FAM83A: variants seen among roughly 807,000 people sequenced by gnomAD.
The protein encoded by FAM83A is scaffolding CK1 anchoring protein A, also known as protein FAM83A.
A neutral mutation model predicts 24.4 loss-of-function variants in FAM83A; 21 were observed. The observed-to-expected ratio is 0.86, with a 90% CI of 0.61 to 1.24. FAM83A has a LOEUF of 1.24. Ranked by LOEUF, FAM83A falls within the 50% of genes most tolerant of loss-of-function variation. FAM83A has a pLI of 0.00. For missense variants in FAM83A, 617 were observed against 579.8 expected, an observed-to-expected ratio of 1.06 and a Z score of -0.66; for synonymous variants, 270 against 252.4, an observed-to-expected ratio of 1.07 and a Z score of -0.66.
exon 4 of FAM83A, chr8:123,207,706 G>T: frequency 6.9e-7 from 1 of 1,454,654 alleles, no homozygotes. Context: ...ATCCCCTGCT[G>T]CCCTCCGCAG....
chr8:123,183,220 G>A (rs1468314115), exon 1 of FAM83A: 1 of 1,613,460 alleles, frequency 6.2e-7, no homozygotes, highest in South Asian at 1.1e-5. Context: ...GCACAGCTGG[G>A]CCTCAGCTGA....
exon 1 of FAM83A, chr8:123,182,878 G>T: frequency 6.6e-7 from 1 of 1,522,072 alleles, no homozygotes; most frequent in Non-Finnish European, 8.8e-7. Flanking sequence ...AAGGCACCTG[G>T]GCAAAATCCG....
rs573902047 is a variant in FAM83A at position 123,195,967 on chromosome 8, A to G, written c.773+1819A>G. 1.6e-4 allele frequency among the ~76,000 whole-genome samples: 24 copies of G among 152,344 alleles called. No individual in the cohort carries two copies. In the South Asian group the frequency reaches 4.8e-3, roughly 30 times the overall value. ...CTTTCTCTCCATCCCATTATTTTCA[A>G]ACTTGCTGATAGATTTTAAGTGTGT... On this transcript the variant is annotated intron_variant, in intron 3 of 3. Transcript: ENST00000690554.
rs1824673504 is a variant in FAM83A at position 123,209,705 on chromosome 8, G to A, written c.*2017G>A. ...GAGCTCAGTCCTGGGAGATAGGGGA[G>A]AACCTGCAGGCAGGAACAAGCCCCC... is the stretch of plus-strand genomic sequence containing the variant. On this transcript the variant is annotated 3_prime_UTR_variant, in exon 4 of 4. Coordinates refer to ENST00000690554, the Ensembl canonical transcript of FAM83A. This position sits in a 1 kb window ranked among gnomAD's most constrained non-coding sequence, Gnocchi z 4.7. 2 of 761,844 alleles carry A rather than the reference G, an allele frequency of 2.6e-6. No homozygotes were observed. Among genetic ancestry groups the A allele is most frequent in the Non-Finnish European group, 4.2e-6 (2 of 471,358 alleles). The allele number at this position is 761,844 out of a possible 1,614,324, so 47.2% of individuals were successfully genotyped here.
intron 1 of FAM83A, among the ~76,000 whole-genome samples, chr8:123,190,512 G>C (rs1182614602): frequency 1.3e-5 from 2 of 151,370 alleles, no homozygotes; most frequent in Admixed American, 1.3e-4. Flanking sequence ...TGATCCGCCC[G>C]CCTCGGCCTC....
chr8:123,184,404 T>C (rs1367320436), intron 1 of FAM83A, among the ~76,000 whole-genome samples: 1 of 152,074 alleles, frequency 6.6e-6, no homozygotes, highest in Non-Finnish European at 1.5e-5. Context: ...TTGTGGCTCT[T>C]GAATCCAGCC....
At chr8:123,207,833 C>T in exon 4 of FAM83A, 1 of 1,391,498 alleles carries the variant, frequency 7.2e-7, no homozygotes, top group Non-Finnish European at 9.2e-7. Flanking sequence ...GTTCCCAGGC[C>T]CCAGGCCATC....
intron 3 of FAM83A, among the ~76,000 whole-genome samples, chr8:123,194,736 G>T (rs1191084827): frequency 6.6e-6 from 1 of 152,168 alleles, no homozygotes; most frequent in African/African-American, 2.4e-5. Flanking sequence ...CACCCATGTG[G>T]CCTCCCAAAG....
At chr8:123,190,828 C>T (rs754558903) in intron 1 of FAM83A, among the ~76,000 whole-genome samples, 26 of 152,162 alleles carry the variant, frequency 1.7e-4, no homozygotes, top group Admixed American at 3.3e-4. Flanking sequence ...CATTGTCAGG[C>T]AGGCTCTCCC....
chr8:123,191,380 AT>A (rs1823968678), intron 1 of FAM83A, among the ~76,000 whole-genome samples: 1 of 152,170 alleles, frequency 6.6e-6, no homozygotes, highest in South Asian at 2.1e-4. Flanking sequence ...GCTTAACAGC[AT>A]TTGAAAATCA....
rs1172819514 is a variant in FAM83A at position 123,190,508 on chromosome 8, G to A, written c.481-1295G>A. 4.6e-5 allele frequency among the ~76,000 whole-genome samples: 7 copies of A among 150,980 alleles called. No individual in the cohort carries two copies. The South Asian group carries it at 8.4e-4, about 18-fold the overall frequency. ...TCGAGCTCCAGATCTCAAATGATCCGCCCGCCTCGGCCTCCCAAAGTGTTG... is the reference window on the plus strand; with the variant it reads ...TCGAGCTCCAGATCTCAAATGATCCACCCGCCTCGGCCTCCCAAAGTGTTG... On this transcript the variant is annotated intron_variant, in intron 1 of 3. Coordinates refer to ENST00000690554, the Ensembl canonical transcript of FAM83A.
chr8:123,206,794 G>A (rs973187061), intron 3 of FAM83A, among the ~76,000 whole-genome samples: 9 of 152,300 alleles, frequency 5.9e-5, no homozygotes, highest in Middle Eastern at 6.8e-3. Flanking sequence ...GAGCCCAAGA[G>A]GAGGGGCAGT....
In FAM83A at chr8:123,207,445, GC is replaced by G. The variant is rs777391942; in HGVS notation, c.1065del (p.Cys356ValfsTer65). ...CCCGAAGTGTGTCCGCGTCTTCAGG[GC>G]CCTGTAGCCCCGCGGCCCCACACCC... On this transcript the variant is annotated frameshift_variant, in exon 4 of 4. Coordinates refer to ENST00000690554, the Ensembl canonical transcript of FAM83A. LOFTEE classifies it low-confidence loss of function (END_TRUNC). 1.4e-5 allele frequency: 22 copies of G among 1,602,010 alleles called. 1 individual carries two copies. The highest frequency in any genetic ancestry group is 1.2e-4 in the Admixed American group (7 of 59,606).
Position 123,207,085 on chromosome 8 carries a change from C to A in FAM83A, c.774-72C>A. ...TCCTCCCTCCCTCTTCCTCCCCTCCCCCTCCTCCTCCACTTCCCCTCCCCA... is the reference window on the plus strand; with the variant it reads ...TCCTCCCTCCCTCTTCCTCCCCTCCACCTCCTCCTCCACTTCCCCTCCCCA... On this transcript the variant is annotated intron_variant, in intron 3 of 3. Coordinates refer to ENST00000690554, the Ensembl canonical transcript of FAM83A. The A allele has an allele frequency of 1.3e-5, 8 of 622,384 alleles. No homozygotes were observed. In the South Asian group the frequency reaches 3.2e-4, roughly 25 times the overall value. The allele number at this position is 622,384 out of a possible 1,614,324, so 38.6% of individuals were successfully genotyped here.
At chr8:123,182,454 G>T, upstream of FAM83A, 1 of 408,240 alleles carries the variant, frequency 2.4e-6, no homozygotes, top group Middle Eastern at 7.8e-4. Flanking sequence ...GGCTGGTGGT[G>T]CCAGGGAGGC....
exon 1 of FAM83A, chr8:123,183,307 G>T: frequency 6.2e-7 from 1 of 1,612,650 alleles, no homozygotes; most frequent in Non-Finnish European, 8.5e-7. Flanking sequence ...CAGAGACCTC[G>T]TCCGCCGCTG....
exon 4 of FAM83A, chr8:123,207,239 T>C: frequency 1.9e-6 from 3 of 1,610,984 alleles, no homozygotes; most frequent in Non-Finnish European, 2.5e-6. Context: ...TGACGAGGAG[T>C]TCCGCCACCT....
chr8:123,204,710 G>A (rs577110505), intron 3 of FAM83A, among the ~76,000 whole-genome samples: 11 of 152,072 alleles, frequency 7.2e-5, no homozygotes, highest in African/African-American at 2.7e-4. Flanking sequence ...GCAGTGAGCC[G>A]AGATCGCGCC....
chr8:123,205,363 G>C (rs1411664767), intron 3 of FAM83A, among the ~76,000 whole-genome samples: 1 of 152,162 alleles, frequency 6.6e-6, no homozygotes, highest in African/African-American at 2.4e-5. Context: ...AGTGCAGTGC[G>C]GCCCTTTGTC....
Sources: gnomAD v4.1 joint callset for allele counts (sites outside exome capture counted in the v4.1 genomes callset) on GRCh38, gnomAD v4.1.1 for gene constraint, Gnocchi (gnomAD v3.1) non-coding constraint, MANE v1.5 for transcripts, NCBI Gene and HGNC (gene_info 2026-07-23, HGNC 2026-07-21) for gene names.